The following MARK2 variants were observed in gnomAD, a reference collection of about 807,000 sequenced individuals.
MARK2 encodes microtubule affinity regulating kinase 2.
Under a neutral mutation model 89.8 loss-of-function variants are expected in MARK2, and 16 were observed. The observed-to-expected ratio is 0.18, with a 90% CI of 0.12 to 0.27. The LOEUF (loss-of-function observed/expected upper bound fraction) is 0.27, where lower values mean the gene tolerates loss of function less well. Among genes scored for constraint, MARK2 ranks in the 10% least tolerant of loss-of-function variants. The pLI is 1.00. For missense variants in MARK2, 621 were observed against 1,049.9 expected (o/e 0.59, Z 5.65); for synonymous variants, 382 against 399.5 (o/e 0.96, Z 0.52).
intron 1 of MARK2, among the ~76,000 whole-genome samples, chr11:63,867,433 C>T (rs527812543): frequency 1.3e-5 from 2 of 152,224 alleles, no homozygotes; most frequent in Admixed American, 1.3e-4. Context: ...AGTGTGCCTC[C>T]TTGGTCACAG....
intron 1 of MARK2, among the ~76,000 whole-genome samples, chr11:63,859,319 C>CA (rs982299505): frequency 4.9e-5 from 7 of 141,778 alleles, no homozygotes; most frequent in African/African-American, 1.8e-4. Context: ...CTGTTTATTT[C>CA]TTTTTTTTTT....
At chr11:63,875,064 C>T (rs900853020) in intron 1 of MARK2, among the ~76,000 whole-genome samples, 2 of 152,080 alleles carry the variant, frequency 1.3e-5, no homozygotes, top group Non-Finnish European at 2.9e-5. Flanking sequence ...AATCCTCCTG[C>T]CTCAGCCTCC....
intron 1 of MARK2, among the ~76,000 whole-genome samples, chr11:63,889,390 C>T (rs1045947024): frequency 2.0e-5 from 3 of 152,240 alleles, no homozygotes; most frequent in Non-Finnish European, 4.4e-5. Flanking sequence ...CCTTCTCAGC[C>T]CTCGGGAAGC....
chr11:63,887,603 G>A (rs569818804), intron 1 of MARK2, among the ~76,000 whole-genome samples: 5 of 152,320 alleles, frequency 3.3e-5, no homozygotes, highest in African/African-American at 4.8e-5. Flanking sequence ...GGCTACCAAC[G>A]TGAGAAGGTC....
chr11:63,851,967 T>C (rs1196497534), intron 1 of MARK2, among the ~76,000 whole-genome samples: 1 of 152,196 alleles, frequency 6.6e-6, no homozygotes, highest in African/African-American at 2.4e-5. Context: ...TTTTGGACAC[T>C]GTAATATTGA....
chr11:63,861,740 C>CTTTTTTTTTT (rs531935148), intron 1 of MARK2, among the ~76,000 whole-genome samples: 1 of 127,090 alleles, frequency 7.9e-6, no homozygotes, highest in Non-Finnish European at 1.6e-5. Context: ...CTCATTTACT[C>CTTTTTTTTTT]TTTTTTTTTT....
chr11:63,867,493 C>T (rs536840098), intron 1 of MARK2, among the ~76,000 whole-genome samples: 3 of 152,318 alleles, frequency 2.0e-5, no homozygotes, highest in African/African-American at 4.8e-5. Context: ...GGAATCCCTT[C>T]CACCTCCTTC....
chr11:63,848,348 C>A (rs1259869060), intron 1 of MARK2, among the ~76,000 whole-genome samples: 1 of 152,130 alleles, frequency 6.6e-6, no homozygotes, highest in East Asian at 1.9e-4. Flanking sequence ...TCTGATATCC[C>A]ATGTGCGGCT....
rs35231498 is a variant in MARK2, at chr11:63,901,473, C to CTTTTTTTT, written c.1101+419_1101+426dup. Among the ~76,000 whole-genome samples, 94 of 57,698 alleles carry CTTTTTTTT rather than the reference C, an allele frequency of 1.6e-3. 12 individuals carry two copies. The highest frequency in any genetic ancestry group is 2.6e-3 in the Admixed American group (8 of 3,096). 37.9% of individuals were successfully genotyped at this position (57,698 alleles called of 152,430 possible). ...TCTGATCGGAAGTTTGAGTCTGTTG[C>CTTTTTTTT]TTTTTTTTTTTTTTTTTTTTTTGAG... is the stretch of plus-strand genomic sequence containing the variant. On this transcript the variant is annotated intron_variant, in intron 11 of 18. Transcript: ENST00000402010.
At chr11:63,859,693 C>T (rs367567431) in intron 1 of MARK2, among the ~76,000 whole-genome samples, 3 of 151,812 alleles carry the variant, frequency 2.0e-5, no homozygotes, top group East Asian at 1.9e-4. Context: ...GTGCGGTGGC[C>T]GGATCTCAGC....
At position 63,903,948 on chromosome 11, in the gene MARK2, C is replaced by A. The variant is rs543130295; in HGVS notation, c.1515-38C>A. ...AATCCAGGCCTCCCGCCCTCACTCA[C>A]CCCTAACACGGGCCTCTCCGCTGCT... On this transcript the variant is annotated intron_variant, in intron 14 of 18. Transcript: ENST00000402010. The surrounding 1 kb of genome is among the most constrained non-coding windows in gnomAD (Gnocchi z 5.1). 4.8e-4 allele frequency: 746 copies of A among 1,568,350 alleles called. 4 individuals are homozygous for A. In the South Asian group the frequency reaches 5.5e-3, roughly 11 times the overall value.
chr11:63,840,275 C>T (rs1436680534), intron 1 of MARK2, among the ~76,000 whole-genome samples: 1 of 152,200 alleles, frequency 6.6e-6, no homozygotes, highest in Non-Finnish European at 1.5e-5. Context: ...CCACAGCTGT[C>T]ATGCGCATAG....
chr11:63,877,231 C>T (rs1210499431), intron 1 of MARK2, among the ~76,000 whole-genome samples: 1 of 151,112 alleles, frequency 6.6e-6, no homozygotes, highest in Non-Finnish European at 1.5e-5. Context: ...CCACCTGGGC[C>T]TCCTGAGTAC....
At chr11:63,860,533 CAG>C (rs1210322502) in intron 1 of MARK2, among the ~76,000 whole-genome samples, 1 of 145,444 alleles carries the variant, frequency 6.9e-6, no homozygotes, top group Non-Finnish European at 1.5e-5. Context: ...GCCTGGGTGA[CAG>C]AGACTCCCTC....
intron 1 of MARK2, among the ~76,000 whole-genome samples, chr11:63,859,672 C>A (rs1002848073): frequency 6.6e-6 from 1 of 151,878 alleles, no homozygotes; most frequent in Non-Finnish European, 1.5e-5. Context: ...CACTCTGTCG[C>A]CCAGGCTGGA....
chr11:63,889,228 G>A (rs972483500), intron 1 of MARK2, among the ~76,000 whole-genome samples: 3 of 152,190 alleles, frequency 2.0e-5, no homozygotes, highest in Admixed American at 1.3e-4. Flanking sequence ...TGAGGCCTCA[G>A]AGAGGATGCT....
rs577865159 is a variant in MARK2, at chr11:63,850,768, G to A, written c.54+11208G>A. 1.6e-4 allele frequency among the ~76,000 whole-genome samples: 25 copies of A among 152,256 alleles called. No homozygotes were observed. The South Asian group carries it at 5.2e-3, about 32-fold the overall frequency. ...GGAAGCCCTAGGGTGGTTCTCTGCA[G>A]CACCAAGAGCAGGGATTCATACCAT... On this transcript the variant is annotated intron_variant, in intron 1 of 18. Coordinates refer to ENST00000402010, the MANE Select transcript of MARK2 (RefSeq NM_001039469.3).
At chr11:63,905,956 C>A in intron 16 of MARK2, 132 bp from the exon 17 acceptor site, 1 of 612,914 alleles carries the variant, frequency 1.6e-6, no homozygotes, top group Non-Finnish European at 2.4e-6. Context: ...TCTCGCTGAG[C>A]GGCTCTTCCG....
At chr11:63,844,647 C>T (rs1042478698) in intron 1 of MARK2, among the ~76,000 whole-genome samples, 10 of 152,204 alleles carry the variant, frequency 6.6e-5, no homozygotes, top group Non-Finnish European at 1.3e-4. Context: ...GGAGATTTTT[C>T]TCAGCATAAA....
Sources: allele counts gnomAD v4.1 joint callset (sites outside exome capture counted in the v4.1 genomes callset), GRCh38; gene constraint gnomAD v4.1.1; non-coding constraint Gnocchi (gnomAD v3.1); transcripts MANE v1.5; gene names NCBI Gene and HGNC (gene_info 2026-07-23, HGNC 2026-07-21).